The following RIPOR1 variants were observed in gnomAD, a reference collection of about 807,000 sequenced individuals.
The protein encoded by RIPOR1 is RHO family interacting cell polarization regulator 1, also known as rho family-interacting cell polarization regulator 1.
A neutral mutation model predicts 116.5 loss-of-function variants in RIPOR1; 58 were observed. That is an observed-to-expected ratio of 0.50 (90% CI 0.40 to 0.62). RIPOR1 has a LOEUF of 0.62. RIPOR1 is among the 20% of genes least tolerant of loss of function. The probability of loss-of-function intolerance (pLI) is 0.00; values close to 1 mark genes in which losing one functional copy is unlikely to be tolerated. For missense variants in RIPOR1, 1,372 were observed against 1,586.2 expected, an observed-to-expected ratio of 0.86 and a Z score of 2.29; for synonymous variants, 605 against 650.0, an observed-to-expected ratio of 0.93 and a Z score of 1.05.
At position 67,539,699 on chromosome 16, in the gene RIPOR1, A is replaced by G. The variant is rs1165554936; in HGVS notation, c.337-29A>G. ...CTGGAGTCCTCCTCATCCCTCCTAA[A>G]TATTTGCCCCTTCTCCCCACCCCTG... On this transcript the variant is annotated intron_variant, in intron 4 of 21. Transcript: ENST00000042381. 3 of 1,613,932 alleles carry G rather than the reference A, an allele frequency of 1.9e-6. No individual in the cohort carries two copies. The East Asian group carries it at 6.7e-5, about 36-fold the overall frequency.
chr16:67,545,639 C>A lies in RIPOR1; in HGVS notation c.3191-25C>A. 1 of 1,570,096 alleles carries A rather than the reference C, an allele frequency of 6.4e-7. No homozygotes were observed. The highest frequency in any genetic ancestry group is 8.7e-7 in the Non-Finnish European group (1 of 1,155,892). ...TCCTCACCCTGCCACCTTGCCCACC[C>A]ACCCACCATATCCCCTTTTTTCAGT... is the stretch of plus-strand genomic sequence containing the variant. On this transcript the variant is annotated intron_variant, in intron 18 of 21. Transcript: ENST00000042381. This position sits in a 1 kb window ranked among gnomAD's most constrained non-coding sequence, Gnocchi z 4.8.
At position 67,543,408 on chromosome 16, in the gene RIPOR1, T is replaced by C; in HGVS notation, c.2539T>C (p.Leu847=). Residue 847 remains leucine, a synonymous_variant, in exon 14 of 22, where the codon TTG becomes CTG. Transcript: ENST00000042381. The surrounding 1 kb of genome is among the most constrained non-coding windows in gnomAD (Gnocchi z 4.7). ...TCTCAGCATCACTGTGGAGCATGCC[T>C]TGGAGAGCTTCAGCTTCCTCAATGA... is the stretch of plus-strand genomic sequence containing the variant. ...SSLSITVEHA[L]ESFSFLNEDE... 1 of 1,582,394 alleles carries C rather than the reference T, an allele frequency of 6.3e-7. No individual in the cohort carries two copies. The highest frequency in any genetic ancestry group is 8.6e-7 in the Non-Finnish European group (1 of 1,163,710).
Position 67,543,432 on chromosome 16 carries a change from G to A in RIPOR1, c.2563G>A (p.Glu855Lys), listed in dbSNP as rs2051060800. ...HALESFSFLN[E>K]DEDEDNDVPG... ...CTTGGAGAGCTTCAGCTTCCTCAAT[G>A]AAGACGAAGATGAAGACAATGATGT... is the stretch of plus-strand genomic sequence containing the variant. The change falls in exon 14 of 22, where the codon GAA (glutamate) becomes AAA (lysine). Residue 855 changes from glutamate to lysine, a missense_variant. Glu to Lys is a moderately conservative substitution (Grantham distance 56). Transcript: ENST00000042381. This position sits in a 1 kb window ranked among gnomAD's most constrained non-coding sequence, Gnocchi z 4.7. 2 of 1,562,398 alleles carry A rather than the reference G, an allele frequency of 1.3e-6. No individual in the cohort carries two copies. The highest frequency in any genetic ancestry group is 1.7e-6 in the Non-Finnish European group (2 of 1,152,596).
rs2051138169 is a variant in RIPOR1 at position 67,545,620 on chromosome 16, C to A, written c.3191-44C>A. ...CCTCCCCAACCTCGGGGGCTCCTCA[C>A]CCTGCCACCTTGCCCACCCACCCAC... On this transcript the variant is annotated intron_variant, in intron 18 of 21. Transcript: ENST00000042381. The surrounding 1 kb of genome is among the most constrained non-coding windows in gnomAD (Gnocchi z 4.8). The A allele has an allele frequency of 6.3e-7, 1 of 1,577,060 alleles. No individual in the cohort carries two copies. The highest frequency in any genetic ancestry group is 1.3e-5 in the African/African-American group (1 of 74,138).
At chr16:67,519,931 G>A (rs1034848501) in intron 1 of RIPOR1, among the ~76,000 whole-genome samples, 8 of 150,948 alleles carry the variant, frequency 5.3e-5, no homozygotes, top group Non-Finnish European at 7.4e-5. Context: ...GTGTGGTGGC[G>A]GGCACCTGTA....
At position 67,537,545 on chromosome 16, in the gene RIPOR1, G is replaced by T. The variant is rs1018618983; in HGVS notation, c.-23-879G>T. 5 of 1,356,068 alleles carry T rather than the reference G, an allele frequency of 3.7e-6. No homozygotes were observed. The highest frequency in any genetic ancestry group is 6.6e-5 in the Admixed American group (2 of 30,080). 84.0% of individuals were successfully genotyped at this position (1,356,068 alleles called of 1,614,324 possible). On this transcript the variant is annotated intron_variant, in intron 1 of 21. Transcript: ENST00000042381. The surrounding 1 kb of genome is among the most constrained non-coding windows in gnomAD (Gnocchi z 4.6). ...GCCAGGGCCGGAAGGTCCGCGGGGG[G>T]CGAGCGCGGGTCGGGGGCCGTCCCG...
At position 67,544,318 on chromosome 16, in the gene RIPOR1, G is replaced by A. The variant is rs543164760; in HGVS notation, c.2620G>A (p.Ala874Thr). The part of the protein sequence containing the change: ...PGDRPPSSPE[A>T]GAEDSIDSPS... ...CCTCAGGCCTCCAAGCAGCCCGGAG[G>A]CTGGGGCTGAGGACAGCATAGACTC... The change falls in exon 15 of 22, where the codon GCT (alanine) becomes ACT (threonine). Residue 874 changes from alanine to threonine, a missense_variant. Physicochemically the swap from Ala to Thr is moderately conservative, Grantham distance 58. Coordinates refer to ENST00000042381, the MANE Select transcript of RIPOR1 (RefSeq NM_024519.4). This position sits in a 1 kb window ranked among gnomAD's most constrained non-coding sequence, Gnocchi z 5.1. 304 of 1,608,556 alleles carry A rather than the reference G, an allele frequency of 1.9e-4. 7 individuals are homozygous for A. The South Asian group carries it at 3.1e-3, about 17-fold the overall frequency.
chr16:67,538,217 C>T (rs1005161205), intron 1 of RIPOR1: 36 of 485,554 alleles, frequency 7.4e-5, no homozygotes, highest in South Asian at 3.3e-4. Flanking sequence ...GGGGCCGAGC[C>T]GAGGCCACGC....
At position 67,540,346 on chromosome 16, in the gene RIPOR1, T is replaced by G. The variant is rs748591674; in HGVS notation, c.614T>G (p.Phe205Cys). ...GAGCTGGAGGCACAGCTGGGCGAGT[T>G]TCATCTCCGAATGAAAGGTACTGAG... ...ESELEAQLGE[F>C]HLRMKGLAGF... Residue 205 changes from phenylalanine to cysteine, a missense_variant, in exon 8 of 22, where the codon TTT becomes TGT. This residue lies in a region of RIPOR1 where 202 missense variants were observed against 295.9 expected (regional missense o/e 0.68). Transcript: ENST00000042381. The surrounding 1 kb of genome is among the most constrained non-coding windows in gnomAD (Gnocchi z 4.7). 6 of 1,613,850 alleles carry G rather than the reference T, an allele frequency of 3.7e-6. No individual in the cohort carries two copies. The highest frequency in any genetic ancestry group is 5.1e-6 in the Non-Finnish European group (6 of 1,179,984).
rs1173798883 is a variant in RIPOR1 at position 67,537,695 on chromosome 16, T to C, written c.-23-729T>C. 3.6e-5 allele frequency: 30 copies of C among 827,826 alleles called. No homozygotes were observed. Among genetic ancestry groups the C allele is most frequent in the Admixed American group, 2.6e-4 (6 of 23,298 alleles). The allele number at this position is 827,826 out of a possible 1,614,324, so 51.3% of individuals were successfully genotyped here. Reference sequence around the variant, plus strand: ...GAGTGTGTGTTTCGCCGAAGCGGGGTGGGGGTCTGCCGAGGAGCTCTCCCC... The same window carrying C: ...GAGTGTGTGTTTCGCCGAAGCGGGGCGGGGGTCTGCCGAGGAGCTCTCCCC... On this transcript the variant is annotated intron_variant, in intron 1 of 21. Transcript: ENST00000042381. The surrounding 1 kb of genome is among the most constrained non-coding windows in gnomAD (Gnocchi z 4.6).
rs533734377 is a variant in RIPOR1, at chr16:67,537,356, C to T, written c.-23-1068C>T. Reference sequence around the variant, plus strand: ...CCCAGCTGAGCAGACCCCTCGCCCCCCGTCGGTCCCCTCCCCGAGGGGAAC... The same window carrying T: ...CCCAGCTGAGCAGACCCCTCGCCCCTCGTCGGTCCCCTCCCCGAGGGGAAC... On this transcript the variant is annotated intron_variant, in intron 1 of 21. Coordinates refer to ENST00000042381, the MANE Select transcript of RIPOR1 (RefSeq NM_024519.4). The surrounding 1 kb of genome is among the most constrained non-coding windows in gnomAD (Gnocchi z 4.6). The T allele has an allele frequency of 1.6e-6, 2 of 1,223,006 alleles. No individual in the cohort carries two copies. The highest frequency in any genetic ancestry group is 2.0e-6 in the Non-Finnish European group (2 of 980,496). 75.8% of individuals were successfully genotyped at this position (1,223,006 alleles called of 1,614,324 possible).
At chr16:67,539,798 G>A (rs377590115) in intron 5 of RIPOR1, 47 bp downstream of exon 5, 213 of 1,614,068 alleles carry the variant, frequency 1.3e-4, no homozygotes, top group Non-Finnish European at 1.7e-4. Context: ...TCACAGGGAG[G>A]GTAAGGACCC....
intron 4 of RIPOR1, 118 bp from the exon 5 acceptor site, chr16:67,539,610 T>C: frequency 1.6e-6 from 2 of 1,234,248 alleles, no homozygotes; most frequent in East Asian, 4.6e-5. Flanking sequence ...GTTGCTACTG[T>C]GACAGGAGTG....
At position 67,543,563 on chromosome 16, in the gene RIPOR1, G is replaced by C. The variant is rs1056655720; in HGVS notation, c.2600+94G>C. ...GGTGGAACAGGTGAATTGGGAGAAAGTCAAAGGACAGGACAGGTGAGGCAG... is the reference window on the plus strand; with the variant it reads ...GGTGGAACAGGTGAATTGGGAGAAACTCAAAGGACAGGACAGGTGAGGCAG... On this transcript the variant is annotated intron_variant, in intron 14 of 21. Transcript: ENST00000042381. This position sits in a 1 kb window ranked among gnomAD's most constrained non-coding sequence, Gnocchi z 4.7. 9 of 1,517,466 alleles carry C rather than the reference G, an allele frequency of 5.9e-6. No individual in the cohort carries two copies. In the African/African-American group the frequency reaches 1.2e-4, roughly 21 times the overall value. 94.0% of individuals were successfully genotyped at this position (1,517,466 alleles called of 1,614,324 possible).
chr16:67,537,452 G>A lies in RIPOR1; in HGVS notation c.-23-972G>A, dbSNP rs2050823972. 4.0e-6 allele frequency: 5 copies of A among 1,239,866 alleles called. No homozygotes were observed. The highest frequency in any genetic ancestry group is 2.8e-4 in the Middle Eastern group (1 of 3,614). The allele number at this position is 1,239,866 out of a possible 1,614,324, so 76.8% of individuals were successfully genotyped here. A position where few individuals can be genotyped will look rare whatever the true frequency, so the allele number is the denominator to read the frequency against. Reference sequence around the variant, plus strand: ...CAGGAACTGGGCGGGGGGCGGCGCCGGGAGGAGCCGAAGCCGAGCCAGAGC... The same window carrying A: ...CAGGAACTGGGCGGGGGGCGGCGCCAGGAGGAGCCGAAGCCGAGCCAGAGC... On this transcript the variant is annotated intron_variant, in intron 1 of 21. Transcript: ENST00000042381. The surrounding 1 kb of genome is among the most constrained non-coding windows in gnomAD (Gnocchi z 4.6).
At position 67,540,654 on chromosome 16, in the gene RIPOR1, A is replaced by G. The variant is rs928908105; in HGVS notation, c.751A>G (p.Ser251Gly). ...GGGTAGTGGAAAGCAGGTGTGGGAC[A>G]GTGAAGAAACCATCTTTCTCCCTCT... ...IEGSGKQVWD[S>G]EETIFLPLLT... The change falls in exon 10 of 22, where the codon AGT (serine) becomes GGT (glycine). Residue 251 changes from serine (S) to glycine (G), a missense_variant. This residue lies in a region of RIPOR1 where 202 missense variants were observed against 295.9 expected (regional missense o/e 0.68). Transcript: ENST00000042381. The surrounding 1 kb of genome is among the most constrained non-coding windows in gnomAD (Gnocchi z 4.7). The G allele has an allele frequency of 1.2e-6, 2 of 1,613,002 alleles. No homozygotes were observed. The highest frequency in any genetic ancestry group is 1.7e-6 in the Non-Finnish European group (2 of 1,179,390).
chr16:67,535,336 C>T (rs912917939), intron 1 of RIPOR1, among the ~76,000 whole-genome samples: 21 of 152,208 alleles, frequency 1.4e-4, no homozygotes, highest in South Asian at 4.1e-4. Flanking sequence ...CTGGCAACTC[C>T]TGCCAACCTG....
intron 5 of RIPOR1, 45 bp from the exon 6 acceptor site, chr16:67,539,801 A>G (rs1301455538): frequency 6.2e-7 from 1 of 1,614,052 alleles, no homozygotes; most frequent in African/African-American, 1.3e-5. Flanking sequence ...CAGGGAGGGT[A>G]AGGACCCTGG....
Position 67,542,266 on chromosome 16 carries a change from G to A in RIPOR1, c.1480G>A (p.Val494Ile). 1 of 1,613,844 alleles carries A rather than the reference G, an allele frequency of 6.2e-7. No individual in the cohort carries two copies. Among genetic ancestry groups the A allele is most frequent in the Admixed American group, 1.7e-5 (1 of 59,980 alleles). Residue 494 changes from valine to isoleucine, a missense_variant, in exon 13 of 22, where the codon GTT (valine) becomes ATT (isoleucine). Val to Ile is a conservative substitution (Grantham distance 29). Coordinates refer to ENST00000042381, the MANE Select transcript of RIPOR1 (RefSeq NM_024519.4). This position sits in a 1 kb window ranked among gnomAD's most constrained non-coding sequence, Gnocchi z 4.6. The part of the protein sequence containing the change: ...APTHGEHPSP[V>I]PPALDPGHSA... ...CACCCATGGAGAGCACCCCAGTCCT[G>A]TTCCTCCTGCCCTGGACCCTGGCCA...
Sources: allele counts gnomAD v4.1 joint callset (sites outside exome capture counted in the v4.1 genomes callset), GRCh38; gene constraint gnomAD v4.1.1; regional missense constraint gnomAD v4.1.1; non-coding constraint Gnocchi (gnomAD v3.1); transcripts MANE v1.5; gene names NCBI Gene and HGNC (gene_info 2026-07-23, HGNC 2026-07-21).